Variants in RAD51C observed in about 807,000 individuals in gnomAD.
RAD51C encodes the protein RAD51 paralog C.
RAD51C carries 42 observed loss-of-function variants against 45.0 expected under a neutral mutation model. The ratio of observed to expected loss-of-function variants is 0.93; its 90% CI spans 0.73 to 1.21. RAD51C has a LOEUF of 1.21. Ranked by LOEUF, RAD51C falls within the 50% of genes most tolerant of loss-of-function variation. The probability of loss-of-function intolerance (pLI) is 0.00; values close to 1 mark genes in which losing one functional copy is unlikely to be tolerated. For synonymous variants in RAD51C, 172 were observed against 159.8 expected, an observed-to-expected ratio of 1.08 and a Z score of -0.58; for missense variants, 474 against 452.2, an observed-to-expected ratio of 1.05 and a Z score of -0.44.
chr17:58,712,835 G>A (rs761276212), intron 5 of RAD51C, among the ~76,000 whole-genome samples: 1 of 146,610 alleles, frequency 6.8e-6, no homozygotes, highest in Non-Finnish European at 1.5e-5. Context: ...AAAAGAAAAT[G>A]AGGTCATGCC....
chr17:58,713,255 A>C (rs1023681336), intron 5 of RAD51C, among the ~76,000 whole-genome samples: 5 of 152,050 alleles, frequency 3.3e-5, no homozygotes, highest in Non-Finnish European at 7.4e-5. Context: ...CATGTACACT[A>C]CTTATAAGTC....
chr17:58,709,762 A>G (rs949202526), intron 4 of RAD51C, 97 bp from the exon 5 acceptor site: 6 of 1,193,302 alleles, frequency 5.0e-6, no homozygotes, highest in Non-Finnish European at 4.9e-6. Flanking sequence ...ATAGTAAATA[A>G]GAGAGAAGGT....
chr17:58,706,257 T>A (rs1337613222), intron 4 of RAD51C, among the ~76,000 whole-genome samples: 1 of 151,762 alleles, frequency 6.6e-6, no homozygotes, highest in African/African-American at 2.4e-5. Flanking sequence ...TGAAACCCTG[T>A]CTCTACTAAA....
chr17:58,724,070 G>T lies in RAD51C; in HGVS notation c.935G>T (p.Arg312Leu), dbSNP rs779834376. The T allele has an allele frequency of 6.2e-7, 1 of 1,613,148 alleles. No individual in the cohort carries two copies. The highest frequency in any genetic ancestry group is 1.1e-5 in the South Asian group (1 of 91,056). ...AGTTGGGGACATGCTGCTACAATAC[G>T]GCTAATCTTTCATTGGGACCGAAAG... ...GESWGHAATI[R>L]LIFHWDRKQR... is the part of the protein sequence containing the mutation. The change falls in exon 7 of 9, where the codon CGG becomes CTG. Residue 312 changes from arginine to leucine, a missense_variant. Physicochemically the swap from Arg to Leu is moderately radical, Grantham distance 102. Coordinates refer to ENST00000337432, the MANE Select transcript of RAD51C (RefSeq NM_058216.3).
At chr17:58,732,287 C>T in intron 7 of RAD51C, 197 bp from the exon 8 acceptor site, 1 of 470,170 alleles carries the variant, frequency 2.1e-6, no homozygotes, top group Non-Finnish European at 3.7e-6. Context: ...TTTAAAATTT[C>T]ATATAAACTC....
chr17:58,727,024 G>C (rs956965023), intron 7 of RAD51C, among the ~76,000 whole-genome samples: 7 of 151,554 alleles, frequency 4.6e-5, no homozygotes, highest in Non-Finnish European at 1.0e-4. Context: ...GTTTCACCGT[G>C]TTAGCCAGGA....
intron 2 of RAD51C, among the ~76,000 whole-genome samples, chr17:58,695,840 G>C (rs547543086): frequency 6.6e-6 from 1 of 152,000 alleles, no homozygotes; most frequent in African/African-American, 2.4e-5. Context: ...GCTGAGGCGG[G>C]TGGATCACCT....
chr17:58,703,338 C>G lies in RAD51C; in HGVS notation c.705+9C>G, dbSNP rs1598473685. 2 of 1,609,198 alleles carry G rather than the reference C, an allele frequency of 1.2e-6. No individual in the cohort carries two copies. Among genetic ancestry groups the G allele is most frequent in the Non-Finnish European group, 8.5e-7 (1 of 1,176,168 alleles). On this transcript the variant is annotated intron_variant, in intron 4 of 8. Transcript: ENST00000337432. Reference sequence around the variant, plus strand: ...TTTCAGAACACTCAAAGGTATGAGTCAGACTACTGAAATGTAACTAACCAA... The same window carrying G: ...TTTCAGAACACTCAAAGGTATGAGTGAGACTACTGAAATGTAACTAACCAA...
At chr17:58,715,969 GTGGGGGACACCTGTAATC>G (rs2048718110) in intron 5 of RAD51C, among the ~76,000 whole-genome samples, 1 of 152,030 alleles carries the variant, frequency 6.6e-6, no homozygotes, top group East Asian at 1.9e-4. Flanking sequence ...GCCAAGCGTG[GTGGGGGACACCTGTAATC>G]CTAGCTACTT....
chr17:58,698,588 C>T (rs2048102518), intron 3 of RAD51C, among the ~76,000 whole-genome samples: 1 of 151,838 alleles, frequency 6.6e-6, no homozygotes, highest in African/African-American at 2.4e-5. Flanking sequence ...CTCGGCCTCC[C>T]AAAGTGCTGG....
chr17:58,710,217 C>T (rs1324290187), intron 5 of RAD51C, among the ~76,000 whole-genome samples: 1 of 149,318 alleles, frequency 6.7e-6, no homozygotes, highest in African/African-American at 2.5e-5. Context: ...CGCGGTAGCT[C>T]GTGCCTGTAA....
rs201523760 is a variant in RAD51C at position 58,692,657 on chromosome 17, C to G, written c.14C>G (p.Thr5Arg). 1.2e-6 allele frequency: 2 copies of G among 1,614,198 alleles called. No homozygotes were observed. Among genetic ancestry groups the G allele is most frequent in the Non-Finnish European group, 1.7e-6 (2 of 1,180,044 alleles). The stretch of plus-strand genomic sequence containing the variant: ...GGTGAGCCTGCGATGCGCGGGAAGA[C>G]GTTCCGCTTTGAAATGCAGCGGGAT... MRGKTFRFEMQRDLV... is the reference protein window; with the variant it reads MRGKRFRFEMQRDLV... The change falls in exon 1 of 9, where the codon ACG becomes AGG. Residue 5 changes from threonine (T) to arginine (R), a missense_variant. Thr to Arg is a moderately conservative substitution (Grantham distance 71). Transcript: ENST00000337432.
intron 7 of RAD51C, among the ~76,000 whole-genome samples, chr17:58,725,278 G>A (rs547727798): frequency 2.4e-4 from 37 of 152,132 alleles, no homozygotes; most frequent in African/African-American, 8.9e-4. Context: ...GTAAGTTGCT[G>A]TATACTAGAG....
intron 4 of RAD51C, among the ~76,000 whole-genome samples, chr17:58,704,801 A>G (rs996270272): frequency 1.3e-5 from 2 of 152,226 alleles, no homozygotes; most frequent in South Asian, 2.1e-4. Flanking sequence ...TCTTACTGAC[A>G]ATATATGAGA....
At chr17:58,724,795 G>A (rs768182086) in intron 7 of RAD51C, among the ~76,000 whole-genome samples, 5 of 152,034 alleles carry the variant, frequency 3.3e-5, no homozygotes, top group African/African-American at 9.7e-5. Flanking sequence ...TAGCCTCTCC[G>A]CTTTGTGATT....
intron 3 of RAD51C, among the ~76,000 whole-genome samples, chr17:58,702,995 G>A (rs1211351489): frequency 2.6e-5 from 4 of 152,180 alleles, no homozygotes; most frequent in Admixed American, 2.0e-4. Flanking sequence ...CCTGCACGTT[G>A]TGCACATGTA....
At chr17:58,714,910 C>T (rs2048678376) in intron 5 of RAD51C, among the ~76,000 whole-genome samples, 1 of 151,976 alleles carries the variant, frequency 6.6e-6, no homozygotes, top group African/African-American at 2.4e-5. Flanking sequence ...TCAGTGTATC[C>T]ACAGAGTTTT....
chr17:58,712,692 C>G (rs909734666), intron 5 of RAD51C, among the ~76,000 whole-genome samples: 1 of 151,742 alleles, frequency 6.6e-6, no homozygotes, highest in Non-Finnish European at 1.5e-5. Flanking sequence ...TGATGGCGGG[C>G]GCCTGTAATT....
At chr17:58,717,795 A>G (rs771489955) in intron 5 of RAD51C, among the ~76,000 whole-genome samples, 66 of 152,280 alleles carry the variant, frequency 4.3e-4, no homozygotes, top group Non-Finnish European at 7.6e-4. Context: ...AGCTTTTTCT[A>G]AGGTGCCCGA....
Sources: allele counts gnomAD v4.1 joint callset (sites outside exome capture counted in the v4.1 genomes callset), GRCh38; gene constraint gnomAD v4.1.1; transcripts MANE v1.5; gene names NCBI Gene and HGNC (gene_info 2026-07-23, HGNC 2026-07-21).